KHDRBS2: variants seen among roughly 807,000 people sequenced by gnomAD.
The protein encoded by KHDRBS2 is KH domain-containing, RNA-binding, signal transduction-associated protein 2.
In KHDRBS2, 26 loss-of-function variants were observed where a neutral mutation model predicts 44.3. The observed-to-expected ratio is 0.59, with a 90% CI of 0.43 to 0.81. The LOEUF (loss-of-function observed/expected upper bound fraction) is 0.81, where lower values mean the gene tolerates loss of function less well. Among genes scored for constraint, KHDRBS2 ranks in the 40% least tolerant of loss-of-function variants. The pLI, the probability that KHDRBS2 is intolerant of heterozygous loss-of-function variation, is 0.00. For missense variants in KHDRBS2, 476 were observed against 433.1 expected (o/e 1.10, Z -0.88); for synonymous variants, 194 against 151.1 (o/e 1.28, Z -2.08).
At chr6:62,200,060 C>T (rs1275082553) in intron 1 of KHDRBS2, among the ~76,000 whole-genome samples, 1 of 152,124 alleles carries the variant, frequency 6.6e-6, no homozygotes, top group Non-Finnish European at 1.5e-5. Context: ...GGATCCCTTC[C>T]TTACACCTTA....
chr6:61,549,986 ATG>A, the KHDRBS2 span, among the ~76,000 whole-genome samples: 2 of 152,262 alleles, frequency 1.3e-5, no homozygotes, highest in Non-Finnish European at 2.9e-5. Context: ...TTCTTTTTTA[ATG>A]TAAAAAGACA....
intron 2 of KHDRBS2, among the ~76,000 whole-genome samples, chr6:62,170,332 C>A (rs1468344245): frequency 6.6e-6 from 1 of 152,026 alleles, no homozygotes; most frequent in African/African-American, 2.4e-5. Context: ...ACTGCCGCTA[C>A]CTGAGAAAGC....
At position 61,894,653 on chromosome 6, in the gene KHDRBS2, A is replaced by C. The variant is rs1259055826; in HGVS notation, c.792T>G (p.His264Gln). 4.0e-5 allele frequency: 65 copies of C among 1,611,588 alleles called. No homozygotes were observed. The highest frequency in any genetic ancestry group is 5.3e-5 in the Non-Finnish European group (63 of 1,179,292). Residue 264 changes from histidine (H) to glutamine (Q), a missense_variant, in exon 6 of 9, where the codon CAT (histidine) becomes CAG (glutamine). Coordinates refer to ENST00000281156, the MANE Select transcript of KHDRBS2 (RefSeq NM_152688.4). ...PGYRAPPPPA[H>Q]EAYEEYGYDD... ...TACTTACATATTCTTCATAAGCTTC[A>C]TGGGCTGGAGGAGGAGGTGCCCTGT...
intron 6 of KHDRBS2, among the ~76,000 whole-genome samples, chr6:61,822,312 A>G (rs1317441140): frequency 1.3e-5 from 2 of 151,964 alleles, no homozygotes; most frequent in Non-Finnish European, 2.9e-5. Context: ...CAGTTTTCCA[A>G]GTCAAGAAGA....
At chr6:61,677,210 A>G (rs998391459), downstream of KHDRBS2, among the ~76,000 whole-genome samples, 5 of 151,906 alleles carry the variant, frequency 3.3e-5, no homozygotes, top group African/African-American at 1.2e-4. Context: ...ATATTGATTA[A>G]CACATCAAAA....
intron 2 of KHDRBS2, among the ~76,000 whole-genome samples, chr6:62,073,858 C>G (rs536013462): frequency 6.6e-6 from 1 of 151,834 alleles, no homozygotes; most frequent in East Asian, 2.0e-4. Flanking sequence ...TTTCTCCACT[C>G]TCTATTCCAA....
At chr6:61,871,973 T>C (rs962283657) in intron 6 of KHDRBS2, among the ~76,000 whole-genome samples, 1 of 150,348 alleles carries the variant, frequency 6.7e-6, no homozygotes, top group African/African-American at 2.4e-5. Context: ...GAGATAGCAT[T>C]AGGAGAAATA....
chr6:62,065,635 G>T (rs968443395), intron 2 of KHDRBS2, among the ~76,000 whole-genome samples: 6 of 119,404 alleles, frequency 5.0e-5, no homozygotes, highest in South Asian at 3.3e-4. Flanking sequence ...GACTGTGGTG[G>T]GGTGGGGGGA....
rs192101311 is a variant in KHDRBS2, at chr6:62,048,821, G to A, written c.220-827C>T. The stretch of plus-strand genomic sequence containing the variant: ...GAGGTAATAATTTGTGCCATAATTC[G>A]TCGATTAAACTAAAAATACAAAGAA... On this transcript the variant is annotated intron_variant, in intron 2 of 8. Transcript: ENST00000281156. Among the ~76,000 whole-genome samples, 277 of 151,910 alleles carry A rather than the reference G, an allele frequency of 1.8e-3. 10 individuals carry two copies. In the South Asian group the frequency reaches 0.052, roughly 29 times the overall value.
intron 6 of KHDRBS2, among the ~76,000 whole-genome samples, chr6:61,773,965 G>A (rs187486385): frequency 0.023 from 3,432 of 151,964 alleles, 123 homozygotes; most frequent in African/African-American, 0.078. Flanking sequence ...GATAAGCAGC[G>A]TTATTTCTGA....
At chr6:61,912,860 T>C (rs1448077441) in intron 4 of KHDRBS2, among the ~76,000 whole-genome samples, 1 of 151,406 alleles carries the variant, frequency 6.6e-6, no homozygotes, top group African/African-American at 2.5e-5. Context: ...GGAATGATTG[T>C]TGTTTTCTAA....
At chr6:62,213,873 C>CAAAAAAAAAAAAAAAAAAA (rs67482871) in intron 1 of KHDRBS2, among the ~76,000 whole-genome samples, 4 of 41,504 alleles carry the variant, frequency 9.6e-5, no homozygotes, top group Non-Finnish European at 1.2e-4. Context: ...GACTCCATCT[C>CAAAAAAAAAAAAAAAAAAA]AAAAAAAAAA....
intron 1 of KHDRBS2, among the ~76,000 whole-genome samples, chr6:62,264,837 T>A (rs1024975531): frequency 2.6e-5 from 4 of 151,716 alleles, no homozygotes; most frequent in African/African-American, 9.7e-5. Context: ...AAAGCTAACA[T>A]GAAGCTCAAA....
chr6:61,644,329 G>A, the KHDRBS2 span, among the ~76,000 whole-genome samples: 2 of 152,074 alleles, frequency 1.3e-5, no homozygotes, highest in Admixed American at 1.3e-4. Context: ...AGACTTAAAT[G>A]TAAAACCCTG....
the KHDRBS2 span, among the ~76,000 whole-genome samples, chr6:61,583,712 A>G: frequency 1.3e-5 from 2 of 151,574 alleles, no homozygotes; most frequent in Non-Finnish European, 3.0e-5. Context: ...TTTTTTTAAA[A>G]TAAATTTTTA....
At chr6:62,040,589 G>T (rs1335431942) in intron 3 of KHDRBS2, among the ~76,000 whole-genome samples, 1 of 152,016 alleles carries the variant, frequency 6.6e-6, no homozygotes, top group Non-Finnish European at 1.5e-5. Flanking sequence ...TGAATTCTTT[G>T]CTCGCATGTG....
chr6:62,075,849 C>A (rs1255372978), intron 2 of KHDRBS2, among the ~76,000 whole-genome samples: 1 of 151,640 alleles, frequency 6.6e-6, no homozygotes, highest in Non-Finnish European at 1.5e-5. Context: ...GTGGTCTAAT[C>A]TCTGTATATA....
At chr6:62,097,613 T>C (rs1347390249) in intron 2 of KHDRBS2, among the ~76,000 whole-genome samples, 2 of 152,082 alleles carry the variant, frequency 1.3e-5, no homozygotes, top group Non-Finnish European at 2.9e-5. Context: ...AGTTTATGTG[T>C]GTCCTTACAG....
chr6:61,913,929 T>C (rs1479199615), intron 4 of KHDRBS2, among the ~76,000 whole-genome samples: 1 of 152,094 alleles, frequency 6.6e-6, no homozygotes, highest in Non-Finnish European at 1.5e-5. Context: ...GTAAATGATA[T>C]TAGGTCAGAC....
Sources: gnomAD v4.1 joint callset for allele counts (sites outside exome capture counted in the v4.1 genomes callset) on GRCh38, gnomAD v4.1.1 for gene constraint, MANE v1.5 for transcripts, NCBI Gene and HGNC (gene_info 2026-07-23, HGNC 2026-07-21) for gene names.